Variants in KCNK3 observed in about 807,000 individuals in gnomAD.
The protein encoded by KCNK3 is potassium two pore domain channel subfamily K member 3.
In KCNK3, 9 loss-of-function variants were observed where a neutral mutation model predicts 27.3. That is an observed-to-expected ratio of 0.33 (90% CI 0.20 to 0.57). KCNK3 has a LOEUF of 0.57. Among genes scored for constraint, KCNK3 ranks in the 20% least tolerant of loss-of-function variants. The pLI, the probability that KCNK3 is intolerant of heterozygous loss-of-function variation, is 0.87. For synonymous variants in KCNK3, 278 were observed against 273.8 expected (o/e 1.02, Z -0.15); for missense variants, 391 against 577.7 (o/e 0.68, Z 3.31).
In KCNK3 at chr2:26,727,948, G is replaced by T; in HGVS notation, c.565G>T (p.Ala189Ser). Residue 189 changes from alanine (A) to serine (S), a missense_variant, in exon 2 of 2, where the codon GCC becomes TCC. Transcript: ENST00000302909. ...CTACGAGCACTGGACCTTCTTCCAG[G>T]CCTACTACTACTGCTTCATCACCCT... ...SHYEHWTFFQ[A>S]YYYCFITLTT... 1 of 1,614,258 alleles carries T rather than the reference G, an allele frequency of 6.2e-7. No homozygotes were observed. Among genetic ancestry groups the T allele is most frequent in the Non-Finnish European group, 8.5e-7 (1 of 1,180,044 alleles).
At chr2:26,700,911 G>A (rs1341393706) in intron 1 of KCNK3, among the ~76,000 whole-genome samples, 1 of 152,154 alleles carries the variant, frequency 6.6e-6, no homozygotes, top group Non-Finnish European at 1.5e-5. Context: ...GTCCACAGAG[G>A]GAACTGAGGA....
chr2:26,701,356 C>T lies in KCNK3; in HGVS notation c.283+8198C>T, dbSNP rs571580549. ...TGGAGCCGGGTGCTGTAGCTGGCAC[C>T]GTGAGGTAGAAGAAAGGGAAGTGGA... On this transcript the variant is annotated intron_variant, in intron 1 of 1. Transcript: ENST00000302909. Among the ~76,000 whole-genome samples the T allele has an allele frequency of 3.3e-5, 5 of 152,160 alleles. No homozygotes were observed. In the East Asian group the frequency reaches 5.8e-4, roughly 18 times the overall value.
intron 1 of KCNK3, among the ~76,000 whole-genome samples, chr2:26,703,523 G>A (rs182690218): frequency 1.3e-5 from 2 of 152,302 alleles, no homozygotes; most frequent in South Asian, 2.1e-4. Context: ...ACCCAGAGTG[G>A]GACTCAGGAG....
In KCNK3 at chr2:26,692,801, G is replaced by C; in HGVS notation, c.-75G>C. The C allele has an allele frequency of 1.2e-6, 1 of 847,036 alleles. No individual in the cohort carries two copies. The highest frequency in any genetic ancestry group is 1.4e-6 in the Non-Finnish European group (1 of 703,824). The allele number at this position is 847,036 out of a possible 1,614,324, so 52.5% of individuals were successfully genotyped here. Reference sequence around the variant, plus strand: ...CAGCCATGCCCCAGGCCGCCTCCGGGGCAGCAGCAGCGGCGGCCGGGGCCG... The same window carrying C: ...CAGCCATGCCCCAGGCCGCCTCCGGCGCAGCAGCAGCGGCGGCCGGGGCCG... On this transcript the variant is annotated 5_prime_UTR_variant, in exon 1 of 2. Coordinates refer to ENST00000302909, the MANE Select transcript of KCNK3 (RefSeq NM_002246.3). The surrounding 1 kb of genome is among the most constrained non-coding windows in gnomAD (Gnocchi z 5.6).
At chr2:26,698,228 C>T (rs1053892621) in intron 1 of KCNK3, among the ~76,000 whole-genome samples, 4 of 152,106 alleles carry the variant, frequency 2.6e-5, no homozygotes, top group African/African-American at 4.8e-5. Flanking sequence ...AGGAAAGTCC[C>T]GGCACCCACC....
intron 1 of KCNK3, among the ~76,000 whole-genome samples, chr2:26,715,394 A>G (rs983513432): frequency 2.0e-5 from 3 of 152,250 alleles, no homozygotes; most frequent in Non-Finnish European, 4.4e-5. Context: ...TGTGCCAGGC[A>G]CTGAGCCACT....
At chr2:26,722,605 T>C (rs1157016382) in intron 1 of KCNK3, among the ~76,000 whole-genome samples, 4 of 152,256 alleles carry the variant, frequency 2.6e-5, no homozygotes, top group African/African-American at 9.6e-5. Context: ...CCTCTCCCTG[T>C]GTTCAGTATT....
In KCNK3 at chr2:26,692,792, C is replaced by G; in HGVS notation, c.-84C>G. 1.3e-6 allele frequency: 1 copy of G among 766,454 alleles called. No homozygotes were observed. The highest frequency in any genetic ancestry group is 1.9e-5 in the African/African-American group (1 of 52,518). 47.5% of individuals were successfully genotyped at this position (766,454 alleles called of 1,614,324 possible). On this transcript the variant is annotated 5_prime_UTR_variant, in exon 1 of 2. Coordinates refer to ENST00000302909, the MANE Select transcript of KCNK3 (RefSeq NM_002246.3). The surrounding 1 kb of genome is among the most constrained non-coding windows in gnomAD (Gnocchi z 5.6). ...CGGCGAGCGCAGCCATGCCCCAGGC[C>G]GCCTCCGGGGCAGCAGCAGCGGCGG... is the stretch of plus-strand genomic sequence containing the variant.
intron 1 of KCNK3, among the ~76,000 whole-genome samples, chr2:26,719,612 G>A (rs529299791): frequency 2.6e-5 from 4 of 152,240 alleles, no homozygotes; most frequent in Admixed American, 6.5e-5. Context: ...GCTTTATACA[G>A]GGCACTGAAG....
At chr2:26,709,521 C>A (rs1329106432) in intron 1 of KCNK3, among the ~76,000 whole-genome samples, 1 of 152,110 alleles carries the variant, frequency 6.6e-6, no homozygotes, top group Non-Finnish European at 1.5e-5. Flanking sequence ...AGGATGGAAA[C>A]CACCAGTAGA....
In KCNK3 at chr2:26,709,793, G is replaced by A. The variant is rs922045143; in HGVS notation, c.283+16635G>A. On this transcript the variant is annotated intron_variant, in intron 1 of 1. Coordinates refer to ENST00000302909, the MANE Select transcript of KCNK3 (RefSeq NM_002246.3). ...TATATCCCTCAAGCAAATGAGGCCTGAGGCCCAGCAAGGCGATGGGCGCAG... is the reference window on the plus strand; with the variant it reads ...TATATCCCTCAAGCAAATGAGGCCTAAGGCCCAGCAAGGCGATGGGCGCAG... Among the ~76,000 whole-genome samples, 4 of 152,304 alleles carry A rather than the reference G, an allele frequency of 2.6e-5. No individual in the cohort carries two copies. In the East Asian group the frequency reaches 5.8e-4, roughly 22 times the overall value.
Position 26,728,239 on chromosome 2 carries a change from TCATC to T in KCNK3, c.859_862del (p.Ser287ArgfsTer40). ...CAGCGCGCACACTACGGACACCGCC[TCATC>T]CACGGCGGCAGCGGGCGGCGGCGGC... On this transcript the variant is annotated frameshift_variant, in exon 2 of 2. Coordinates refer to ENST00000302909, the MANE Select transcript of KCNK3 (RefSeq NM_002246.3). LOFTEE classifies it high-confidence loss of function. The T allele has an allele frequency of 6.3e-7, 1 of 1,575,014 alleles. No individual in the cohort carries two copies. Among genetic ancestry groups the T allele is most frequent in the Non-Finnish European group, 8.6e-7 (1 of 1,160,432 alleles).
chr2:26,700,140 T>C (rs1572602379), intron 1 of KCNK3, among the ~76,000 whole-genome samples: 1 of 152,212 alleles, frequency 6.6e-6, no homozygotes, highest in East Asian at 1.9e-4. Context: ...GTTCACAGTT[T>C]GGAGACTAAA....
At chr2:26,715,626 G>A (rs62129550) in intron 1 of KCNK3, among the ~76,000 whole-genome samples, 4,909 of 152,294 alleles carry the variant, frequency 0.032, 119 homozygotes, top group Non-Finnish European at 0.049. Context: ...TCTTGGCATG[G>A]GAGACTCAGG....
intron 1 of KCNK3, among the ~76,000 whole-genome samples, chr2:26,712,030 G>A (rs1663129228): frequency 6.6e-6 from 1 of 152,170 alleles, no homozygotes; most frequent in Non-Finnish European, 1.5e-5. Context: ...ATAGATCACA[G>A]GAGCCAGGAA....
At chr2:26,726,947 C>T (rs1230534168) in intron 1 of KCNK3, among the ~76,000 whole-genome samples, 3 of 152,212 alleles carry the variant, frequency 2.0e-5, no homozygotes, top group Non-Finnish European at 2.9e-5. Flanking sequence ...CAGTTGGAGG[C>T]TGATGGGGAC....
intron 1 of KCNK3, among the ~76,000 whole-genome samples, chr2:26,718,242 T>C (rs1385900277): frequency 6.6e-6 from 1 of 152,132 alleles, no homozygotes; most frequent in Non-Finnish European, 1.5e-5. Flanking sequence ...TTCAGCTCAA[T>C]ATCTCTCTGA....
At chr2:26,723,365 C>T (rs1663357556) in intron 1 of KCNK3, among the ~76,000 whole-genome samples, 1 of 152,182 alleles carries the variant, frequency 6.6e-6, no homozygotes, top group Admixed American at 6.5e-5. Context: ...CTGAGGTGGC[C>T]CAGGGTTTGC....
At chr2:26,694,284 C>T (rs1670207568) in intron 1 of KCNK3, among the ~76,000 whole-genome samples, 1 of 152,202 alleles carries the variant, frequency 6.6e-6, no homozygotes, top group African/African-American at 2.4e-5. Context: ...CCCCAAAGCC[C>T]ATTGAGATGC....
Sources: gnomAD v4.1 joint callset for allele counts (sites outside exome capture counted in the v4.1 genomes callset) on GRCh38, gnomAD v4.1.1 for gene constraint, Gnocchi (gnomAD v3.1) non-coding constraint, MANE v1.5 for transcripts, NCBI Gene and HGNC (gene_info 2026-07-23, HGNC 2026-07-21) for gene names.